The following AADACL4 variants were observed in gnomAD, a reference collection of about 807,000 sequenced individuals.
AADACL4 encodes arylacetamide deacetylase like 4, also known as arylacetamide deacetylase-like 4.
A neutral mutation model predicts 14.1 loss-of-function variants in AADACL4; 9 were observed. The ratio of observed to expected loss-of-function variants is 0.64; its 90% CI spans 0.39 to 1.12. The LOEUF (loss-of-function observed/expected upper bound fraction) is 1.12, where lower values mean the gene tolerates loss of function less well. Ranked by LOEUF, AADACL4 falls within the 50% of genes most tolerant of loss-of-function variation. The pLI is 0.01. For missense variants in AADACL4, 531 were observed against 516.1 expected, an observed-to-expected ratio of 1.03 and a Z score of -0.28; for synonymous variants, 188 against 201.6, an observed-to-expected ratio of 0.93 and a Z score of 0.57.
At chr1:12,660,877 C>T (rs1358000128) in intron 2 of AADACL4, among the ~76,000 whole-genome samples, 2 of 151,976 alleles carry the variant, frequency 1.3e-5, no homozygotes, top group Admixed American at 6.6e-5. Context: ...CTCCTGACCT[C>T]GTGATCCACC....
Position 12,644,425 on chromosome 1 carries a change from T to C in AADACL4, c.-122T>C. On this transcript the variant is annotated 5_prime_UTR_variant, in exon 1 of 4. Coordinates refer to ENST00000376221, the MANE Select transcript of AADACL4 (RefSeq NM_001013630.2). ...AGCTGTGTCAGGCCACTGTGTCAGG[T>C]GTCAGGCTTAGCCCAGAGAGAGTGA... 8.9e-7 allele frequency: 1 copy of C among 1,123,100 alleles called. No homozygotes were observed. 69.6% of individuals were successfully genotyped at this position (1,123,100 alleles called of 1,614,324 possible).
intron 2 of AADACL4, among the ~76,000 whole-genome samples, chr1:12,658,505 C>A (rs530384853): frequency 6.6e-6 from 1 of 152,306 alleles, no homozygotes; most frequent in African/African-American, 2.4e-5. Flanking sequence ...GTGATCCACC[C>A]GCCTTGGCCT....
chr1:12,647,409 T>A (rs1210018719), intron 1 of AADACL4, among the ~76,000 whole-genome samples: 1 of 151,968 alleles, frequency 6.6e-6, no homozygotes, highest in Non-Finnish European at 1.5e-5. Context: ...CTGGGGAGGC[T>A]TTTTATAGGG....
At chr1:12,653,348 C>T (rs541509197) in intron 2 of AADACL4, among the ~76,000 whole-genome samples, 1 of 152,296 alleles carries the variant, frequency 6.6e-6, no homozygotes, top group South Asian at 2.1e-4. Flanking sequence ...CAAGCAAGGA[C>T]CCAAGATCAG....
At chr1:12,648,346 ATCCTTCCTTCCTTCCTTCCT>A (rs34475360) in intron 1 of AADACL4, among the ~76,000 whole-genome samples, 3 of 140,500 alleles carry the variant, frequency 2.1e-5, no homozygotes, top group Admixed American at 7.0e-5. Flanking sequence ...TGGACCTCAG[ATCCTTCCTTCCTTCCTTCCT>A]TCCTTCCTTC....
At chr1:12,654,651 T>A (rs543924288) in intron 2 of AADACL4, among the ~76,000 whole-genome samples, 1 of 152,326 alleles carries the variant, frequency 6.6e-6, no homozygotes, top group South Asian at 2.1e-4. Flanking sequence ...TTAGTTATAA[T>A]AGCCACAAAC....
At chr1:12,656,684 G>A (rs1456644278) in intron 2 of AADACL4, among the ~76,000 whole-genome samples, 2 of 152,156 alleles carry the variant, frequency 1.3e-5, no homozygotes, top group South Asian at 2.1e-4. Context: ...TTTCCAACTA[G>A]CGTCAGTGTA....
At position 12,666,976 on chromosome 1, in the gene AADACL4, A is replaced by G; in HGVS notation, c.*241A>G. 2.1e-6 allele frequency: 1 copy of G among 478,154 alleles called. No individual in the cohort carries two copies. Among genetic ancestry groups the G allele is most frequent in the Non-Finnish European group, 3.6e-6 (1 of 275,488 alleles). 29.6% of individuals were successfully genotyped at this position (478,154 alleles called of 1,614,324 possible). On this transcript the variant is annotated 3_prime_UTR_variant, in exon 4 of 4. Coordinates refer to ENST00000376221, the MANE Select transcript of AADACL4 (RefSeq NM_001013630.2). ...TCTAGCGACATTCTCTAACATTCCC[A>G]TTTAGGTGAAATAAATATCAAAAGG...
At chr1:12,663,983 C>A (rs560099011) in intron 3 of AADACL4, among the ~76,000 whole-genome samples, 38 of 152,296 alleles carry the variant, frequency 2.5e-4, no homozygotes, top group African/African-American at 8.7e-4. Flanking sequence ...CAATCAAACT[C>A]TATTTTGAAA....
intron 2 of AADACL4, among the ~76,000 whole-genome samples, chr1:12,653,788 A>AC (rs1486399243): frequency 1.3e-5 from 2 of 152,180 alleles, no homozygotes; most frequent in Non-Finnish European, 2.9e-5. Context: ...CGGATATTTT[A>AC]CTTTACTTCA....
Position 12,666,109 on chromosome 1 carries a change from G to A in AADACL4, c.598G>A (p.Ala200Thr), listed in dbSNP as rs1647322919. The A allele has an allele frequency of 6.2e-7, 1 of 1,614,130 alleles. No homozygotes were observed. Among genetic ancestry groups the A allele is most frequent in the Admixed American group, 1.7e-5 (1 of 60,012 alleles). ...AGAAAGCGTCGGAGGTGCAGCGGTG[G>A]CCGCCATCACCCAGGCCTTGGTGGG... ...CGESVGGAAV[A>T]AITQALVGRS... Residue 200 changes from alanine (A) to threonine (T), a missense_variant, in exon 4 of 4, where the codon GCC (alanine) becomes ACC (threonine). Ala to Thr is a moderately conservative substitution (Grantham distance 58). Coordinates refer to ENST00000376221, the MANE Select transcript of AADACL4 (RefSeq NM_001013630.2).
intron 1 of AADACL4, among the ~76,000 whole-genome samples, chr1:12,647,148 C>T (rs1296282557): frequency 6.8e-6 from 1 of 147,980 alleles, no homozygotes; most frequent in African/African-American, 2.5e-5. Flanking sequence ...GGCAGGAGTG[C>T]AGTGGCGTGA....
At chr1:12,656,704 C>T (rs1647180492) in intron 2 of AADACL4, among the ~76,000 whole-genome samples, 1 of 152,156 alleles carries the variant, frequency 6.6e-6, no homozygotes, top group Admixed American at 6.5e-5. Flanking sequence ...ATTGGCACAG[C>T]TGGTCCCTTG....
chr1:12,657,140 CAAAAAAAAAA>C lies in AADACL4; in HGVS notation c.386-4635_386-4626del, dbSNP rs59777423. On this transcript the variant is annotated intron_variant, in intron 2 of 3. Transcript: ENST00000376221. ...TCTGGGTGACAGAGAAAGACTGTCT[CAAAAAAAAAA>C]AAAAAAAAAAAAAAATCAAACAAAC... 7.8e-5 allele frequency among the ~76,000 whole-genome samples: 4 copies of C among 51,104 alleles called. 1 individual carries two copies. The highest frequency in any genetic ancestry group is 1.3e-4 in the Non-Finnish European group (3 of 23,306). 33.5% of individuals were successfully genotyped at this position (51,104 alleles called of 152,430 possible). A position where few individuals can be genotyped will look rare whatever the true frequency, so the allele number is the denominator to read the frequency against.
intron 2 of AADACL4, among the ~76,000 whole-genome samples, chr1:12,658,665 C>T (rs1243491100): frequency 6.6e-6 from 1 of 151,806 alleles, no homozygotes; most frequent in Non-Finnish European, 1.5e-5. Context: ...GCCCTGCACC[C>T]CTGTATCCAC....
At chr1:12,644,793 T>C in intron 1 of AADACL4, 79 bp downstream of exon 1, 1 of 1,435,826 alleles carries the variant, frequency 7.0e-7, no homozygotes, top group Non-Finnish European at 9.6e-7. Context: ...TTTCCCTCTT[T>C]CACTTCCCTT....
intron 1 of AADACL4, among the ~76,000 whole-genome samples, chr1:12,648,125 C>T (rs564980896): frequency 6.6e-6 from 1 of 152,138 alleles, no homozygotes; most frequent in South Asian, 2.1e-4. Context: ...TGCGTGCCAC[C>T]ACGCCTGGCT....
chr1:12,648,401 C>G (rs975656338), intron 1 of AADACL4, among the ~76,000 whole-genome samples: 4 of 150,962 alleles, frequency 2.6e-5, no homozygotes, highest in East Asian at 1.9e-4. Flanking sequence ...TTCTTTCCTT[C>G]TTTCCTTTTT....
chr1:12,666,486 C>T lies in AADACL4; in HGVS notation c.975C>T (p.Pro325=), dbSNP rs1207419019. The change falls in exon 4 of 4, where the codon CCC becomes CCT. Residue 325 remains proline, a synonymous_variant. Coordinates refer to ENST00000376221, the MANE Select transcript of AADACL4 (RefSeq NM_001013630.2). ...AKHMLDVENS[P]LIADDEVIAQ... is the part of the protein sequence containing the mutation. ...ATATGCTGGATGTAGAAAATTCACCCCTGATAGCAGATGATGAGGTCATCG... is the reference window on the plus strand; with the variant it reads ...ATATGCTGGATGTAGAAAATTCACCTCTGATAGCAGATGATGAGGTCATCG... 1 of 1,614,152 alleles carries T rather than the reference C, an allele frequency of 6.2e-7. No individual in the cohort carries two copies.
Sources: gnomAD v4.1 joint callset for allele counts (sites outside exome capture counted in the v4.1 genomes callset) on GRCh38, gnomAD v4.1.1 for gene constraint, MANE v1.5 for transcripts, NCBI Gene and HGNC (gene_info 2026-07-23, HGNC 2026-07-21) for gene names.